XKR6: variants seen among roughly 807,000 people sequenced by gnomAD.
XKR6 encodes the protein XK-related protein 6.
A neutral mutation model predicts 56.7 loss-of-function variants in XKR6; 22 were observed. The observed-to-expected ratio is 0.39, with a 90% confidence interval of 0.28 to 0.55. The LOEUF is 0.55. XKR6 is among the 20% of genes least tolerant of loss of function. The pLI is 0.66. For synonymous variants in XKR6, 524 were observed against 387.8 expected (o/e 1.35, Z -4.13); for missense variants, 852 against 889.0 (o/e 0.96, Z 0.53).
chr8:10,907,186 T>C (rs1221142818), intron 2 of XKR6, among the ~76,000 whole-genome samples: 3 of 152,178 alleles, frequency 2.0e-5, no homozygotes, highest in African/African-American at 7.2e-5. Flanking sequence ...AGTGATCTGG[T>C]GTAAACATAA....
chr8:11,181,404 G>A (rs1049077614), intron 1 of XKR6, among the ~76,000 whole-genome samples: 1 of 152,124 alleles, frequency 6.6e-6, no homozygotes, highest in African/African-American at 2.4e-5. Flanking sequence ...CTTGAATATG[G>A]ATCGCCTTTT....
intron 1 of XKR6, among the ~76,000 whole-genome samples, chr8:10,933,013 A>G (rs1362455092): frequency 6.6e-6 from 1 of 151,472 alleles, no homozygotes; most frequent in African/African-American, 2.4e-5. Flanking sequence ...TGACTTCCAC[A>G]ACGGTTGAAC....
rs1453817485 is a variant in XKR6 at position 10,898,717 on chromosome 8, C to A, written c.1161G>T (p.Gly387=). 1.2e-6 allele frequency: 2 copies of A among 1,613,924 alleles called. No homozygotes were observed. Among genetic ancestry groups the A allele is most frequent in the African/African-American group, 1.3e-5 (1 of 74,866 alleles). ...LFASIFQLYF[G]IFVVVHWCAM... ...CGCACCAGTGAACCACCACGAAGAT[C>A]CCAAAATAGAGCTGGAAGATGGAAG... is the stretch of plus-strand genomic sequence containing the variant. The change falls in exon 3 of 3, where the codon GGG becomes GGT. Residue 387 remains glycine (G), a synonymous_variant. Transcript: ENST00000416569. This position sits in a 1 kb window ranked among gnomAD's most constrained non-coding sequence, Gnocchi z 6.6.
At chr8:11,199,151 T>C (rs1362517272) in intron 1 of XKR6, among the ~76,000 whole-genome samples, 14 of 152,176 alleles carry the variant, frequency 9.2e-5, no homozygotes, top group African/African-American at 3.1e-4. Flanking sequence ...CAAATGCAGC[T>C]AGAAAAAAAG....
intron 1 of XKR6, among the ~76,000 whole-genome samples, chr8:11,089,837 T>C (rs1798007567): frequency 6.6e-6 from 1 of 152,220 alleles, no homozygotes; most frequent in African/African-American, 2.4e-5. Context: ...TATACTGAAT[T>C]TTTTGTTAAT....
At chr8:11,075,482 G>A (rs1800249769) in intron 1 of XKR6, among the ~76,000 whole-genome samples, 1 of 152,110 alleles carries the variant, frequency 6.6e-6, no homozygotes, top group South Asian at 2.1e-4. Context: ...AGACTATCAT[G>A]ACCCCTACCC....
At chr8:11,102,727 G>A (rs1003588484) in intron 1 of XKR6, among the ~76,000 whole-genome samples, 1 of 152,146 alleles carries the variant, frequency 6.6e-6, no homozygotes, top group African/African-American at 2.4e-5. Context: ...GATGAGGAGG[G>A]ACAGAGCTGA....
chr8:11,095,639 T>C (rs1798244011), intron 1 of XKR6, among the ~76,000 whole-genome samples: 1 of 152,208 alleles, frequency 6.6e-6, no homozygotes, highest in Non-Finnish European at 1.5e-5. Flanking sequence ...ATCTAATGAG[T>C]AACTCAAGCC....
intron 1 of XKR6, among the ~76,000 whole-genome samples, chr8:11,012,336 C>T (rs1798519017): frequency 6.6e-6 from 1 of 152,208 alleles, no homozygotes; most frequent in Middle Eastern, 3.2e-3. Flanking sequence ...TCTGGCTCTC[C>T]ATTTCTTATT....
intron 1 of XKR6, among the ~76,000 whole-genome samples, chr8:11,102,621 G>A (rs1415375417): frequency 6.6e-5 from 10 of 151,940 alleles, no homozygotes; most frequent in Non-Finnish European, 5.9e-5. Flanking sequence ...ACTCACAACC[G>A]GAAGCCCACC....
chr8:10,977,755 G>A (rs1456243238), intron 1 of XKR6, among the ~76,000 whole-genome samples: 1 of 151,346 alleles, frequency 6.6e-6, no homozygotes, highest in Non-Finnish European at 1.5e-5. Flanking sequence ...GCAGTAACGT[G>A]GGAAGGTTAC....
intron 1 of XKR6, among the ~76,000 whole-genome samples, chr8:11,150,800 C>A (rs1338708434): frequency 6.9e-6 from 1 of 144,134 alleles, no homozygotes; most frequent in African/African-American, 2.7e-5. Flanking sequence ...TCACAGTGAA[C>A]CAAGATCAGG....
At chr8:11,189,337 A>C (rs1186286235) in intron 1 of XKR6, among the ~76,000 whole-genome samples, 2 of 152,204 alleles carry the variant, frequency 1.3e-5, no homozygotes, top group East Asian at 1.9e-4. Flanking sequence ...CAAACTTCCA[A>C]AGAAAGAAGC....
At chr8:11,083,807 T>C (rs758396760) in intron 1 of XKR6, among the ~76,000 whole-genome samples, 9 of 152,186 alleles carry the variant, frequency 5.9e-5, no homozygotes, top group Non-Finnish European at 1.0e-4. Context: ...GTGATTTGAA[T>C]GTATTAAGAA....
intron 2 of XKR6, among the ~76,000 whole-genome samples, chr8:10,913,582 C>T (rs992512222): frequency 1.3e-5 from 2 of 152,196 alleles, no homozygotes; most frequent in Non-Finnish European, 2.9e-5. Context: ...TCCTAACACC[C>T]CTCTGCGATA....
intron 1 of XKR6, among the ~76,000 whole-genome samples, chr8:11,112,277 C>T (rs756071242): frequency 6.6e-6 from 1 of 152,172 alleles, no homozygotes; most frequent in African/African-American, 2.4e-5. Context: ...GCATCTCATA[C>T]TTTTAGAAAC....
chr8:11,114,483 T>C (rs569095791), intron 1 of XKR6, among the ~76,000 whole-genome samples: 3 of 152,256 alleles, frequency 2.0e-5, no homozygotes, highest in Admixed American at 6.5e-5. Context: ...TGCCTCAGCC[T>C]CCCAAGTAGC....
At chr8:11,041,265 G>A (rs1326707778) in intron 1 of XKR6, among the ~76,000 whole-genome samples, 1 of 152,114 alleles carries the variant, frequency 6.6e-6, no homozygotes, top group East Asian at 1.9e-4. Flanking sequence ...TGTGCAAAGA[G>A]CATGACATCA....
chr8:10,908,389 A>G (rs1398511472), intron 2 of XKR6, among the ~76,000 whole-genome samples: 2 of 151,420 alleles, frequency 1.3e-5, no homozygotes, highest in African/African-American at 4.9e-5. Flanking sequence ...ATATATATAT[A>G]TATATGGAGT....
Sources: allele counts gnomAD v4.1 joint callset (sites outside exome capture counted in the v4.1 genomes callset), GRCh38; gene constraint gnomAD v4.1.1; non-coding constraint Gnocchi (gnomAD v3.1); transcripts MANE v1.5; gene names NCBI Gene and HGNC (gene_info 2026-07-23, HGNC 2026-07-21).